ANKRD27: variants seen among roughly 807,000 people sequenced by gnomAD.
The protein encoded by ANKRD27 is ankyrin repeat domain 27.
ANKRD27 carries 112 observed loss-of-function variants against 129.7 expected under a neutral mutation model. The observed-to-expected ratio is 0.86, with a 90% CI of 0.74 to 1.01. The LOEUF (loss-of-function observed/expected upper bound fraction) is 1.01. Ranked by LOEUF, ANKRD27 falls within the 50% of genes least tolerant of loss-of-function variation. ANKRD27 has a pLI of 0.00. For missense variants in ANKRD27, 1,258 were observed against 1,300.5 expected, an observed-to-expected ratio of 0.97 and a Z score of 0.50; for synonymous variants, 516 against 511.2, an observed-to-expected ratio of 1.01 and a Z score of -0.13.
chr19:32,619,668 G>A, intron 18 of ANKRD27, 115 bp from the exon 19 acceptor site: 1 of 1,300,494 alleles, frequency 7.7e-7, no homozygotes, highest in Non-Finnish European at 1.1e-6. Context: ...TCAGTGCAGT[G>A]AGCCTTAGGT....
At chr19:32,644,274 G>A in intron 5 of ANKRD27, 51 bp downstream of exon 5, 1 of 1,592,532 alleles carries the variant, frequency 6.3e-7, no homozygotes. Context: ...CCAGCACCCT[G>A]CACTGAACCG....
At chr19:32,608,497 G>T in intron 22 of ANKRD27, 5 of 233,456 alleles carry the variant, frequency 2.1e-5, no homozygotes, top group Admixed American at 2.0e-4. Context: ...GATTAAAAAT[G>T]TTACCTCTTT....
chr19:32,604,519 G>T (rs1971701803), intron 24 of ANKRD27, 95 bp from the exon 25 acceptor site: 8 of 1,230,406 alleles, frequency 6.5e-6, no homozygotes, highest in Admixed American at 6.0e-5. Context: ...AAAACACATT[G>T]TTTTTTTTAT....
In ANKRD27 at chr19:32,621,336, A is replaced by G. The variant is rs114433861; in HGVS notation, c.1827+1086T>C. On this transcript the variant is annotated intron_variant, in intron 18 of 28. Coordinates refer to ENST00000306065, the MANE Select transcript of ANKRD27 (RefSeq NM_032139.3). ...ATCTCTATTACTTTTCTAAAATCATATATTTTGGGGCTGGGCGCAATAACT... is the reference window on the plus strand; with the variant it reads ...ATCTCTATTACTTTTCTAAAATCATGTATTTTGGGGCTGGGCGCAATAACT... 2.7e-3 allele frequency among the ~76,000 whole-genome samples: 415 copies of G among 152,244 alleles called. 1 individual carries two copies. Among genetic ancestry groups the G allele is most frequent in the African/African-American group, 9.1e-3 (378 of 41,552 alleles).
intron 15 of ANKRD27, 146 bp downstream of exon 15, chr19:32,627,937 C>T (rs917054433): frequency 2.8e-6 from 2 of 721,638 alleles, no homozygotes; most frequent in African/African-American, 1.8e-5. Context: ...CTCCTCTTCT[C>T]CTTCCGGCCC....
chr19:32,629,410 C>A (rs1309108463), intron 13 of ANKRD27, among the ~76,000 whole-genome samples: 1 of 152,060 alleles, frequency 6.6e-6, no homozygotes, highest in Admixed American at 6.6e-5. Context: ...ATTAAAAAAA[C>A]AATGACATGC....
In ANKRD27 at chr19:32,615,737, G is replaced by A. The variant is rs145249042; in HGVS notation, c.2096C>T (p.Ala699Val). 4.0e-5 allele frequency: 64 copies of A among 1,614,006 alleles called. No individual in the cohort carries two copies. Among genetic ancestry groups the A allele is most frequent in the Non-Finnish European group, 5.3e-5 (62 of 1,180,034 alleles). Residue 699 changes from alanine (A) to valine (V), a missense_variant, in exon 22 of 29, where the codon GCG (alanine) becomes GTG (valine). Coordinates refer to ENST00000306065, the MANE Select transcript of ANKRD27 (RefSeq NM_032139.3). Reference sequence around the variant, plus strand: ...GTCCGCTGCACTGACAGTGTCCTCCGCATCCTCCAGGTCCTCCTCTGTCCA... The same window carrying A: ...GTCCGCTGCACTGACAGTGTCCTCCACATCCTCCAGGTCCTCCTCTGTCCA... The part of the protein sequence containing the change: ...LEWTEEDLED[A>V]EDTVSAADPE...
At chr19:32,642,885 C>G (rs1967227487) in intron 9 of ANKRD27, among the ~76,000 whole-genome samples, 1 of 152,154 alleles carries the variant, frequency 6.6e-6, no homozygotes, top group South Asian at 2.1e-4. Flanking sequence ...TGCACAAAAC[C>G]CCGTGCCCAG....
At position 32,643,234 on chromosome 19, in the gene ANKRD27, C is replaced by G. The variant is rs771031538; in HGVS notation, c.706-35G>C. The G allele has an allele frequency of 3.7e-6, 6 of 1,613,910 alleles. No homozygotes were observed. In the African/African-American group the frequency reaches 8.0e-5, roughly 22 times the overall value. On this transcript the variant is annotated intron_variant, in intron 8 of 28. Transcript: ENST00000306065. ...GATTTTAACGAACCTTCAAATTTCT[C>G]AAAAAGCACAGAAGAAGGCTTCCAT...
At chr19:32,641,767 C>CTT (rs757141453) in intron 10 of ANKRD27, among the ~76,000 whole-genome samples, 18 of 21,178 alleles carry the variant, frequency 8.5e-4, no homozygotes, top group South Asian at 1.4e-3. Context: ...TTTACTTCTT[C>CTT]TTTTTTTTTT....
chr19:32,623,838 A>G (rs1457192243), intron 17 of ANKRD27, among the ~76,000 whole-genome samples: 2 of 152,006 alleles, frequency 1.3e-5, no homozygotes, highest in African/African-American at 4.8e-5. Context: ...GGTGCCAGCC[A>G]CTGTGCCCAG....
intron 12 of ANKRD27, chr19:32,638,553 G>C: frequency 6.6e-6 from 1 of 152,586 alleles, no homozygotes; most frequent in South Asian, 2.0e-4. Context: ...CATTGCAGGT[G>C]ACGAGAGGAG....
intron 23 of ANKRD27, among the ~76,000 whole-genome samples, chr19:32,606,510 G>A (rs1232351014): frequency 1.6e-5 from 1 of 63,214 alleles, no homozygotes; most frequent in Admixed American, 1.4e-4. Context: ...ACCAGGTGAA[G>A]AGGGGAGGGC....
intron 5 of ANKRD27, 144 bp from the exon 6 acceptor site, chr19:32,643,775 T>C: frequency 1.3e-6 from 1 of 769,258 alleles, no homozygotes; most frequent in Middle Eastern, 3.8e-4. Flanking sequence ...ACTTTTTTTT[T>C]AGGTGTATAT....
intron 18 of ANKRD27, among the ~76,000 whole-genome samples, chr19:32,619,762 C>T (rs565111683): frequency 3.1e-4 from 47 of 152,254 alleles, no homozygotes; most frequent in African/African-American, 1.1e-3. Context: ...ACCCCGAAGT[C>T]GGGGCTTCCT....
chr19:32,622,239 A>G (rs1599745343), intron 18 of ANKRD27, among the ~76,000 whole-genome samples, 183 bp downstream of exon 18: 1 of 152,226 alleles, frequency 6.6e-6, no homozygotes, highest in Admixed American at 6.5e-5. Context: ...ACGCCCACTC[A>G]AACCAAAAAT....
chr19:32,608,687 C>T (rs1971788104), intron 22 of ANKRD27, among the ~76,000 whole-genome samples: 1 of 152,158 alleles, frequency 6.6e-6, no homozygotes, highest in Non-Finnish European at 1.5e-5. Flanking sequence ...CACAGTGGCT[C>T]ATGCCTGTAA....
At chr19:32,650,751 T>TTG (rs201802126) in intron 2 of ANKRD27, among the ~76,000 whole-genome samples, 3 of 34,304 alleles carry the variant, frequency 8.7e-5, no homozygotes, top group African/African-American at 1.8e-4. Flanking sequence ...TACGCTTTTA[T>TTG]TTATTTTTTT....
intron 1 of ANKRD27, among the ~76,000 whole-genome samples, 183 bp from the exon 2 acceptor site, chr19:32,659,228 C>T (rs946071100): frequency 6.6e-6 from 1 of 150,766 alleles, no homozygotes; most frequent in Non-Finnish European, 1.5e-5. Flanking sequence ...ACTACAGGCG[C>T]CCACCACCAC....
Sources: gnomAD v4.1 joint callset for allele counts (sites outside exome capture counted in the v4.1 genomes callset) on GRCh38, gnomAD v4.1.1 for gene constraint, MANE v1.5 for transcripts, NCBI Gene and HGNC (gene_info 2026-07-23, HGNC 2026-07-21) for gene names.